The following TBL1XR1 variants were observed in gnomAD, a reference collection of about 807,000 sequenced individuals.
The protein encoded by TBL1XR1 is F-box-like/WD repeat-containing protein TBL1XR1.
In TBL1XR1, 5 loss-of-function variants were observed where a neutral mutation model predicts 66.9. The observed-to-expected ratio is 0.07, with a 90% CI of 0.04 to 0.16. The LOEUF is 0.16. TBL1XR1 is among the 10% of genes least tolerant of loss of function. TBL1XR1 has a pLI of 1.00. For missense variants in TBL1XR1, 238 were observed against 623.2 expected (o/e 0.38, Z 6.58); for synonymous variants, 210 against 206.0 (o/e 1.02, Z -0.17).
intron 15 of TBL1XR1, 90 bp downstream of exon 15, chr3:177,026,283 A>G: frequency 4.6e-6 from 5 of 1,075,464 alleles, no homozygotes; most frequent in Non-Finnish European, 6.7e-6. Flanking sequence ...ATTTATTTTG[A>G]AAAAAACACT....
chr3:177,085,314 G>C (rs576081927), intron 2 of TBL1XR1, among the ~76,000 whole-genome samples: 1 of 152,318 alleles, frequency 6.6e-6, no homozygotes, highest in East Asian at 1.9e-4. Context: ...ACTCATAGTA[G>C]CTTAGCAAAG....
At chr3:177,103,025 T>C (rs1724415908) in intron 1 of TBL1XR1, among the ~76,000 whole-genome samples, 1 of 152,216 alleles carries the variant, frequency 6.6e-6, no homozygotes, top group African/African-American at 2.4e-5. Flanking sequence ...AAGATATATA[T>C]GCTGATAAAA....
At chr3:177,197,702 C>T (rs1414225044), upstream of TBL1XR1, among the ~76,000 whole-genome samples, 4 of 78,810 alleles carry the variant, frequency 5.1e-5, no homozygotes, top group Non-Finnish European at 7.4e-5. Flanking sequence ...GAGGCGGCGG[C>T]GGCGCGGCGG....
chr3:177,050,260 C>G, intron 6 of TBL1XR1, 122 bp from the exon 7 acceptor site: 1 of 1,362,394 alleles, frequency 7.3e-7, no homozygotes, highest in South Asian at 1.4e-5. Flanking sequence ...ATTTTCATTT[C>G]CAGTATTTTT....
intron 1 of TBL1XR1, among the ~76,000 whole-genome samples, chr3:177,109,214 C>T (rs1297055844): frequency 6.6e-6 from 1 of 151,992 alleles, no homozygotes; most frequent in Non-Finnish European, 1.5e-5. Context: ...CATACCTTTT[C>T]CCAATTTTTT....
chr3:177,044,644 A>G (rs1401524292), intron 10 of TBL1XR1, among the ~76,000 whole-genome samples: 1 of 152,178 alleles, frequency 6.6e-6, no homozygotes, highest in Non-Finnish European at 1.5e-5. Flanking sequence ...TAAAATACAT[A>G]CAGTTCATTT....
chr3:177,163,522 A>G (rs1732466161), intron 1 of TBL1XR1, among the ~76,000 whole-genome samples: 1 of 152,144 alleles, frequency 6.6e-6, no homozygotes, highest in Non-Finnish European at 1.5e-5. Context: ...AAAAAAAAAA[A>G]GAAAGCTCTT....
intron 5 of TBL1XR1, among the ~76,000 whole-genome samples, 164 bp from the exon 6 acceptor site, chr3:177,050,774 G>C (rs916547002): frequency 3.5e-5 from 4 of 113,212 alleles, no homozygotes; most frequent in African/African-American, 1.4e-4. Context: ...TAGTCACACA[G>C]AAAATAAATT....
intron 1 of TBL1XR1, among the ~76,000 whole-genome samples, chr3:177,127,183 G>A (rs2108774442): frequency 6.6e-6 from 1 of 152,220 alleles, no homozygotes; most frequent in South Asian, 2.1e-4. Context: ...TCAACATACT[G>A]CCACCTGACC....
At chr3:177,199,964 G>T (rs1424951424), upstream of TBL1XR1, among the ~76,000 whole-genome samples, 1 of 152,020 alleles carries the variant, frequency 6.6e-6, no homozygotes, top group East Asian at 1.9e-4. Context: ...AGAGAGAGGA[G>T]AGAGCAGGAG....
At chr3:177,100,131 C>T (rs62298941) in intron 1 of TBL1XR1, among the ~76,000 whole-genome samples, 9,344 of 152,108 alleles carry the variant, frequency 0.061, 394 homozygotes, top group South Asian at 0.17. Flanking sequence ...CCTAGCTACT[C>T]GGGAGCCTGG....
intron 1 of TBL1XR1, among the ~76,000 whole-genome samples, chr3:177,143,412 A>G (rs2108826764): frequency 6.6e-6 from 1 of 152,326 alleles, no homozygotes; most frequent in Non-Finnish European, 1.5e-5. Flanking sequence ...TATTATAGGC[A>G]AAGATATTAA....
intron 2 of TBL1XR1, among the ~76,000 whole-genome samples, chr3:177,083,376 T>G (rs1044740295): frequency 1.3e-5 from 2 of 152,222 alleles, no homozygotes; most frequent in Non-Finnish European, 2.9e-5. Flanking sequence ...AGTATGTATG[T>G]TTTGTCTTCT....
At chr3:177,184,228 A>G (rs1423162600) in intron 1 of TBL1XR1, among the ~76,000 whole-genome samples, 4 of 152,236 alleles carry the variant, frequency 2.6e-5, no homozygotes, top group Non-Finnish European at 4.4e-5. Flanking sequence ...AAAATCTAAT[A>G]TATCTGTCAC....
At chr3:177,040,627 T>C (rs1344085784) in intron 10 of TBL1XR1, among the ~76,000 whole-genome samples, 3 of 151,948 alleles carry the variant, frequency 2.0e-5, no homozygotes, top group African/African-American at 7.3e-5. Context: ...TAATCAGAAC[T>C]ATACTGAGAT....
chr3:177,108,450 C>T (rs865988207), intron 1 of TBL1XR1, among the ~76,000 whole-genome samples: 16 of 152,136 alleles, frequency 1.1e-4, no homozygotes, highest in Admixed American at 4.6e-4. Flanking sequence ...CATATCCATA[C>T]AACTGTAAGC....
chr3:177,121,394 T>C (rs990786885), intron 1 of TBL1XR1, among the ~76,000 whole-genome samples: 4 of 152,198 alleles, frequency 2.6e-5, no homozygotes, highest in Admixed American at 2.6e-4. Flanking sequence ...ATAAAGTCCA[T>C]TGAGAAATCT....
chr3:177,116,048 G>A (rs1726269932), intron 1 of TBL1XR1, among the ~76,000 whole-genome samples: 1 of 152,122 alleles, frequency 6.6e-6, no homozygotes, highest in African/African-American at 2.4e-5. Flanking sequence ...GCCTCCTGCA[G>A]CAGTAGCCAT....
At chr3:177,059,245 A>G (rs1405578641) in intron 3 of TBL1XR1, among the ~76,000 whole-genome samples, 2 of 152,214 alleles carry the variant, frequency 1.3e-5, no homozygotes, top group Admixed American at 1.3e-4. Flanking sequence ...GGCACTGGGC[A>G]TAAGGTACAT....
Sources: allele counts gnomAD v4.1 joint callset (sites outside exome capture counted in the v4.1 genomes callset), GRCh38; gene constraint gnomAD v4.1.1; transcripts MANE v1.5; gene names NCBI Gene and HGNC (gene_info 2026-07-23, HGNC 2026-07-21).